NFIA: variants seen among roughly 807,000 people sequenced by gnomAD.
NFIA encodes the protein nuclear factor 1 A-type.
A neutral mutation model predicts 62.8 loss-of-function variants in NFIA; 8 were observed. The observed-to-expected ratio is 0.13, with a 90% CI of 0.07 to 0.23. The LOEUF (loss-of-function observed/expected upper bound fraction) is 0.23. Ranked by LOEUF, NFIA falls within the 10% of genes least tolerant of loss-of-function variation. The pLI is 1.00. For synonymous variants in NFIA, 235 were observed against 238.1 expected (o/e 0.99, Z 0.12); for missense variants, 410 against 642.1 (o/e 0.64, Z 3.91).
At chr1:61,307,706 G>A (rs1659875324) in intron 3 of NFIA, among the ~76,000 whole-genome samples, 1 of 152,164 alleles carries the variant, frequency 6.6e-6, no homozygotes, top group Non-Finnish European at 1.5e-5. Flanking sequence ...AGCACAAGGA[G>A]GTTGGCAATT....
chr1:61,354,928 A>G (rs1662750150), intron 5 of NFIA, among the ~76,000 whole-genome samples: 1 of 152,122 alleles, frequency 6.6e-6, no homozygotes, highest in African/African-American at 2.4e-5. Flanking sequence ...CCATGGGTGT[A>G]AAGTCAAATA....
At chr1:61,404,386 C>T in intron 8 of NFIA, 104 bp downstream of exon 8, 1 of 1,152,504 alleles carries the variant, frequency 8.7e-7, no homozygotes, top group Non-Finnish European at 1.2e-6. Flanking sequence ...TAATGTTGTG[C>T]TGACTGACTG....
intron 6 of NFIA, among the ~76,000 whole-genome samples, chr1:61,377,621 A>G (rs1007908479): frequency 6.6e-6 from 1 of 152,188 alleles, no homozygotes; most frequent in Non-Finnish European, 1.5e-5. Flanking sequence ...TTGCTTTCAG[A>G]GTTTCTCTCC....
At chr1:61,413,224 G>A (rs903440775) in intron 9 of NFIA, among the ~76,000 whole-genome samples, 1 of 151,930 alleles carries the variant, frequency 6.6e-6, no homozygotes, top group Non-Finnish European at 1.5e-5. Context: ...GATGAATCTT[G>A]TATATATTCA....
chr1:61,240,862 C>T (rs893839910), intron 2 of NFIA, among the ~76,000 whole-genome samples: 1 of 151,612 alleles, frequency 6.6e-6, no homozygotes, highest in Non-Finnish European at 1.5e-5. Context: ...AATGTTGAAA[C>T]GTAAGGGAAA....
At chr1:61,327,045 A>ATT (rs1299673779) in intron 3 of NFIA, among the ~76,000 whole-genome samples, 4 of 148,672 alleles carry the variant, frequency 2.7e-5, no homozygotes, top group African/African-American at 7.3e-5. Context: ...AAATATATAT[A>ATT]TATGATATGT....
chr1:61,357,870 T>A (rs1663047942), intron 5 of NFIA, among the ~76,000 whole-genome samples: 1 of 152,072 alleles, frequency 6.6e-6, no homozygotes, highest in African/African-American at 2.4e-5. Flanking sequence ...ATCCTAATAA[T>A]ATGGGTAGAT....
intron 2 of NFIA, among the ~76,000 whole-genome samples, chr1:61,095,903 CATAAT>C (rs1424159585): frequency 6.6e-6 from 1 of 151,948 alleles, no homozygotes; most frequent in Non-Finnish European, 1.5e-5. Context: ...ATGTACAAGA[CATAAT>C]ATATATTTCT....
At chr1:61,230,994 C>A (rs1472276163) in intron 2 of NFIA, among the ~76,000 whole-genome samples, 1 of 152,326 alleles carries the variant, frequency 6.6e-6, no homozygotes, top group East Asian at 1.9e-4. Flanking sequence ...CTTACCTTCC[C>A]TGTTTCCTGA....
intron 10 of NFIA, among the ~76,000 whole-genome samples, chr1:61,453,515 G>T (rs1424597019): frequency 1.5e-5 from 2 of 130,206 alleles, no homozygotes; most frequent in Non-Finnish European, 3.1e-5. Flanking sequence ...TTTTTGTAGT[G>T]CCCTGAGGTC....
intron 2 of NFIA, among the ~76,000 whole-genome samples, chr1:61,091,067 G>A (rs555366586): frequency 2.0e-5 from 3 of 152,334 alleles, no homozygotes; most frequent in African/African-American, 7.2e-5. Context: ...TTGGCAGGAG[G>A]CAGAGACTCT....
At chr1:61,361,522 G>A (rs894381816) in intron 6 of NFIA, among the ~76,000 whole-genome samples, 6 of 152,028 alleles carry the variant, frequency 3.9e-5, no homozygotes, top group Non-Finnish European at 8.8e-5. Context: ...TGCTTTATTA[G>A]GTTGAGGTAC....
chr1:61,276,613 C>A (rs936663716), intron 2 of NFIA, among the ~76,000 whole-genome samples: 2 of 152,174 alleles, frequency 1.3e-5, no homozygotes, highest in South Asian at 4.2e-4. Flanking sequence ...AAATTTTTCC[C>A]CTTGAAACAT....
In NFIA at chr1:61,455,868, T is replaced by G. The variant is rs1415238093; in HGVS notation, c.*548T>G. 1 of 153,650 alleles carries G rather than the reference T, an allele frequency of 6.5e-6. No individual in the cohort carries two copies. 9.5% of individuals were successfully genotyped at this position (153,650 alleles called of 1,614,324 possible). On this transcript the variant is annotated 3_prime_UTR_variant, in exon 11 of 11. Coordinates refer to ENST00000403491, the MANE Select transcript of NFIA (RefSeq NM_001134673.4). ...ATTGGAAAAAGAAAATGCAGTTATA[T>G]TCCTTTTTTATTTGTTCCTTTAGTT...
chr1:61,151,962 G>A (rs1648450846), intron 2 of NFIA, among the ~76,000 whole-genome samples: 1 of 152,172 alleles, frequency 6.6e-6, no homozygotes, highest in African/African-American at 2.4e-5. Context: ...TAAGAACACT[G>A]AATTCATGGT....
At chr1:61,294,022 C>G (rs1447012564) in intron 3 of NFIA, among the ~76,000 whole-genome samples, 2 of 152,194 alleles carry the variant, frequency 1.3e-5, no homozygotes, top group East Asian at 1.9e-4. Context: ...CAATCCAAGC[C>G]TGAGGGATGC....
chr1:61,441,978 G>T (rs1667604235), intron 10 of NFIA, among the ~76,000 whole-genome samples: 2 of 149,312 alleles, frequency 1.3e-5, no homozygotes, highest in African/African-American at 4.9e-5. Flanking sequence ...GTCTTGCATT[G>T]CAGTGACCTT....
chr1:61,317,921 A>C (rs1660455563), intron 3 of NFIA, among the ~76,000 whole-genome samples: 1 of 152,154 alleles, frequency 6.6e-6, no homozygotes, highest in Admixed American at 6.6e-5. Context: ...AAGTATAATC[A>C]TTAGTGTCAT....
At chr1:61,192,011 T>G (rs1205874502) in intron 2 of NFIA, among the ~76,000 whole-genome samples, 2 of 152,080 alleles carry the variant, frequency 1.3e-5, no homozygotes, top group African/African-American at 4.8e-5. Context: ...CCAGGCTGGA[T>G]TGCAGTGGTG....
Sources: allele counts gnomAD v4.1 joint callset (sites outside exome capture counted in the v4.1 genomes callset), GRCh38; gene constraint gnomAD v4.1.1; transcripts MANE v1.5; gene names NCBI Gene and HGNC (gene_info 2026-07-23, HGNC 2026-07-21).